C4orf50: variants seen among roughly 807,000 people sequenced by gnomAD.
C4orf50 encodes uncharacterized protein C4orf50.
Under a neutral mutation model 77.2 loss-of-function variants are expected in C4orf50, and 80 were observed. That is an observed-to-expected ratio of 1.04 (90% CI 0.87 to 1.25). C4orf50 has a LOEUF of 1.25. C4orf50 is among the 50% of genes most tolerant of loss of function. The pLI is 0.00. For synonymous variants in C4orf50, 532 were observed against 465.3 expected (o/e 1.14, Z -1.84); for missense variants, 1,257 against 1,152.9 (o/e 1.09, Z -1.31).
rs1721367332 is a variant in C4orf50 at position 5,992,837 on chromosome 4, AGCTC to A, written c.1183_1186del (p.Glu395SerfsTer53). 1.8e-5 allele frequency: 7 copies of A among 398,922 alleles called. No homozygotes were observed. In the East Asian group the frequency reaches 2.5e-4, roughly 14 times the overall value. The allele number at this position is 398,922 out of a possible 1,614,324, so 24.7% of individuals were successfully genotyped here. A position where few individuals can be genotyped will look rare whatever the true frequency, so the allele number is the denominator to read the frequency against. On this transcript the variant is annotated frameshift_variant, in exon 27 of 34. Transcript: ENST00000531445. LOFTEE classifies it high-confidence loss of function. The surrounding 1 kb of genome is among the most constrained non-coding windows in gnomAD (Gnocchi z 5.0). Reference sequence around the variant, plus strand: ...GTTGGATCCGGCCAGGTCTCTGGGGAGCTCGCTTGTGGTCTCCGGGCCTGGAGCC... The same window carrying A: ...GTTGGATCCGGCCAGGTCTCTGGGGAGCTTGTGGTCTCCGGGCCTGGAGCC...
rs1719821197 is a variant in C4orf50 at position 5,970,121 on chromosome 4, A to G, written c.4105-2659T>C. ...GTCTCATTTCATGCTTGTGAATATCAACAGCGTAGGTCCAGGCAAAACACA... is the reference window on the plus strand; with the variant it reads ...GTCTCATTTCATGCTTGTGAATATCGACAGCGTAGGTCCAGGCAAAACACA... On this transcript the variant is annotated intron_variant, in intron 31 of 33. Transcript: ENST00000531445. This position sits in a 1 kb window ranked among gnomAD's most constrained non-coding sequence, Gnocchi z 4.3. Among the ~76,000 whole-genome samples the G allele has an allele frequency of 6.6e-6, 1 of 151,144 alleles. No homozygotes were observed. Among genetic ancestry groups the G allele is most frequent in the Non-Finnish European group, 1.5e-5 (1 of 67,790 alleles).
At chr4:6,012,599 C>A (rs1722533594) in intron 23 of C4orf50, among the ~76,000 whole-genome samples, 1 of 152,172 alleles carries the variant, frequency 6.6e-6, no homozygotes, top group South Asian at 2.1e-4. Context: ...GCTTAACTGT[C>A]TATTAGGAAT....
chr4:5,996,066 G>T lies in C4orf50; in HGVS notation c.964-1590C>A, dbSNP rs142140920. 8.9e-3 allele frequency among the ~76,000 whole-genome samples: 1,351 copies of T among 152,332 alleles called. 14 individuals are homozygous for T. The highest frequency in any genetic ancestry group is 0.031 in the African/African-American group (1,277 of 41,566). ...GGGTCAGCACGAATGCTGAAATTAG[G>T]TGCTGGTGCCCATCTATGGGCTGTC... is the stretch of plus-strand genomic sequence containing the variant. On this transcript the variant is annotated intron_variant, in intron 25 of 33. Coordinates refer to ENST00000531445, the Ensembl canonical transcript of C4orf50.
At chr4:6,013,217 C>T (rs1195202700) in intron 23 of C4orf50, among the ~76,000 whole-genome samples, 2 of 152,168 alleles carry the variant, frequency 1.3e-5, no homozygotes, top group African/African-American at 4.8e-5. Flanking sequence ...GAGGAAAGGT[C>T]TCAAGGGTGG....
chr4:6,010,178 G>A (rs529002337), intron 24 of C4orf50, among the ~76,000 whole-genome samples: 2 of 152,062 alleles, frequency 1.3e-5, no homozygotes, highest in African/African-American at 4.8e-5. Context: ...TATTTTCCAC[G>A]GAGACATCAC....
At chr4:5,968,836 C>T (rs186013199) in intron 31 of C4orf50, among the ~76,000 whole-genome samples, 3 of 152,238 alleles carry the variant, frequency 2.0e-5, no homozygotes, top group Admixed American at 1.3e-4. Flanking sequence ...GAGGATACAC[C>T]GACAGAGTAG....
rs555999784 is a variant in C4orf50 at position 5,962,250 on chromosome 4, A to G, written c.4276-2624T>C. On this transcript the variant is annotated intron_variant, in intron 33 of 33. Coordinates refer to ENST00000531445, the Ensembl canonical transcript of C4orf50. Reference sequence around the variant, plus strand: ...AAAACATTTAAATTGACATTCTGCCATCTTGCTGCAAAGAAACTGAAGTCC... The same window carrying G: ...AAAACATTTAAATTGACATTCTGCCGTCTTGCTGCAAAGAAACTGAAGTCC... 2.0e-5 allele frequency among the ~76,000 whole-genome samples: 3 copies of G among 152,360 alleles called. No individual in the cohort carries two copies. In the East Asian group the frequency reaches 5.8e-4, roughly 29 times the overall value.
At chr4:5,977,132 G>A (rs1720334122) in intron 29 of C4orf50, among the ~76,000 whole-genome samples, 1 of 152,194 alleles carries the variant, frequency 6.6e-6, no homozygotes, top group African/African-American at 2.4e-5. Context: ...TGAGGCCGCC[G>A]GGGACCCCCC....
At chr4:5,952,903 G>C (rs999002067), downstream of C4orf50, among the ~76,000 whole-genome samples, 4 of 152,284 alleles carry the variant, frequency 2.6e-5, no homozygotes, top group South Asian at 2.1e-4. This position sits in a 1 kb window ranked among gnomAD's most constrained non-coding sequence, Gnocchi z 4.4. Context: ...ATTCCCTATC[G>C]TAAGTTTTGG....
At chr4:5,969,714 G>A (rs1271612339) in intron 31 of C4orf50, among the ~76,000 whole-genome samples, 2 of 152,178 alleles carry the variant, frequency 1.3e-5, no homozygotes, top group Non-Finnish European at 2.9e-5. Context: ...ATAGGGTACA[G>A]CAGCCCCCAC....
chr4:5,931,781 C>G (rs1717779096), intron 7 of C4orf50, among the ~76,000 whole-genome samples: 1 of 152,134 alleles, frequency 6.6e-6, no homozygotes, highest in South Asian at 2.1e-4. Flanking sequence ...TCCCATCTTC[C>G]CCGTGGATCC....
chr4:5,989,780 T>C lies in C4orf50; in HGVS notation c.2266A>G (p.Ser756Gly), dbSNP rs531601921. Residue 756 changes from serine (S) to glycine (G), a missense_variant, in exon 28 of 34, where the codon AGC (serine) becomes GGC (glycine). Transcript: ENST00000531445. ...CCTGCAAAGAAAAGCATTTCCTTGC[T>C]CTCATGTTCCTGGGAGTCAGGCTCC... 4 of 1,523,862 alleles carry C rather than the reference T, an allele frequency of 2.6e-6. No individual in the cohort carries two copies. In the Admixed American group the frequency reaches 7.9e-5, roughly 30 times the overall value. 94.4% of individuals were successfully genotyped at this position (1,523,862 alleles called of 1,614,324 possible).
chr4:6,003,671 GTGATGATAGTGATGATGGTGA>G lies in C4orf50; in HGVS notation c.963+4304_963+4324del, dbSNP rs1173144166. On this transcript the variant is annotated intron_variant, in intron 25 of 33. Coordinates refer to ENST00000531445, the Ensembl canonical transcript of C4orf50. ...AGTGATGATGGTGATGATGGTGATGGTGATGATAGTGATGATGGTGATGATAGTGATGGTGATGATGTGATG... is the reference window on the plus strand; with the variant it reads ...AGTGATGATGGTGATGATGGTGATGGTGATAGTGATGGTGATGATGTGATG... 1.9e-3 allele frequency among the ~76,000 whole-genome samples: 255 copies of G among 135,930 alleles called. 2 individuals are homozygous for G. Among genetic ancestry groups the G allele is most frequent in the Middle Eastern group, 7.9e-3 (2 of 254 alleles). 89.2% of individuals were successfully genotyped at this position (135,930 alleles called of 152,430 possible).
At position 5,992,971 on chromosome 4, in the gene C4orf50, C is replaced by T; in HGVS notation, c.1094-41G>A. 2.5e-6 allele frequency: 1 copy of T among 398,774 alleles called. No individual in the cohort carries two copies. Among genetic ancestry groups the T allele is most frequent in the Non-Finnish European group, 4.4e-6 (1 of 225,986 alleles). The allele number at this position is 398,774 out of a possible 1,614,324, so 24.7% of individuals were successfully genotyped here. ...ACCCTGGGGGTTACAAAGATGCTCC[C>T]AGGGGCTCTGCCATGATCGCCTCTA... On this transcript the variant is annotated intron_variant, in intron 26 of 33. Transcript: ENST00000531445. The surrounding 1 kb of genome is among the most constrained non-coding windows in gnomAD (Gnocchi z 5.0).
rs1716345539 is a variant in C4orf50 at position 5,901,557 on chromosome 4, C to T, written c.*2475-3369G>A. On this transcript the variant is annotated intron_variant, in intron 7 of 7. Transcript: ENST00000324058. This position sits in a 1 kb window ranked among gnomAD's most constrained non-coding sequence, Gnocchi z 4.4. ...TCAAATAACACCAATCCTGTATATA[C>T]ATGTAGATCTTAAGAGTTTACAAAG... The T allele has an allele frequency of 6.6e-6, 1 of 152,220 alleles. No homozygotes were observed. Among genetic ancestry groups the T allele is most frequent in the African/African-American group, 2.4e-5 (1 of 41,450 alleles). 9.4% of individuals were successfully genotyped at this position (152,220 alleles called of 1,614,324 possible).
At chr4:5,941,425 C>T (rs1229780749) in intron 7 of C4orf50, among the ~76,000 whole-genome samples, 2 of 152,202 alleles carry the variant, frequency 1.3e-5, no homozygotes, top group Admixed American at 1.3e-4. Context: ...CCTTACATTG[C>T]TTCTCTCTTA....
intron 25 of C4orf50, among the ~76,000 whole-genome samples, chr4:6,003,809 G>A (rs1165629538): frequency 1.4e-4 from 20 of 145,798 alleles, no homozygotes; most frequent in Non-Finnish European, 1.5e-4. Flanking sequence ...TGATGGTGAT[G>A]ATGGTGATGA....
chr4:5,960,777 G>A (rs899647175), intron 33 of C4orf50, among the ~76,000 whole-genome samples: 2 of 152,182 alleles, frequency 1.3e-5, no homozygotes, highest in Admixed American at 6.5e-5. Context: ...GGAGGAGCAG[G>A]GTTCTGTTAT....
chr4:5,942,165 C>T (rs1258967934), intron 7 of C4orf50, among the ~76,000 whole-genome samples: 1 of 152,142 alleles, frequency 6.6e-6, no homozygotes, highest in Non-Finnish European at 1.5e-5. Flanking sequence ...TACAAATGGA[C>T]TGAAAAGGCC....
Sources: allele counts gnomAD v4.1 joint callset (sites outside exome capture counted in the v4.1 genomes callset), GRCh38; gene constraint gnomAD v4.1.1; non-coding constraint Gnocchi (gnomAD v3.1); transcripts MANE v1.5; gene names NCBI Gene and HGNC (gene_info 2026-07-23, HGNC 2026-07-21).